The following KCNC1 variants were observed in gnomAD, a reference collection of about 807,000 sequenced individuals.
KCNC1 encodes the protein potassium voltage-gated channel subfamily C member 1.
KCNC1 carries 8 observed loss-of-function variants against 43.4 expected under a neutral mutation model. The observed-to-expected ratio is 0.18, with a 90% CI of 0.11 to 0.33. The LOEUF (loss-of-function observed/expected upper bound fraction) is 0.33, where lower values mean the gene tolerates loss of function less well. Ranked by LOEUF, KCNC1 falls within the 10% of genes least tolerant of loss-of-function variation. The probability of loss-of-function intolerance (pLI) is 1.00; values close to 1 mark genes in which losing one functional copy is unlikely to be tolerated. For synonymous variants in KCNC1, 361 were observed against 360.5 expected (o/e 1.00, Z -0.01); for missense variants, 420 against 836.0 (o/e 0.50, Z 6.14).
rs887972443 is a variant in KCNC1, at chr11:17,781,972, G to T, written c.*238G>T. The T allele has an allele frequency of 4.4e-6, 2 of 451,682 alleles. No homozygotes were observed. Among genetic ancestry groups the T allele is most frequent in the African/African-American group, 2.0e-5 (1 of 49,930 alleles). 28.0% of individuals were successfully genotyped at this position (451,682 alleles called of 1,614,324 possible). ...AATTTTATTTTATTTGGGGAGGGGG[G>T]GTGGAGGGGCTCCTTAGCATGACTT... On this transcript the variant is annotated 3_prime_UTR_variant, in exon 4 of 4. Transcript: ENST00000265969. This position sits in a 1 kb window ranked among gnomAD's most constrained non-coding sequence, Gnocchi z 5.1.
At chr11:17,774,051 G>A in intron 2 of KCNC1, 1 of 985,482 alleles carries the variant, frequency 1.0e-6, no homozygotes, top group Non-Finnish European at 1.2e-6. Flanking sequence ...CCACAGCTAT[G>A]CTGGCCCGAG....
At chr11:17,745,735 G>A (rs952954005) in intron 1 of KCNC1, among the ~76,000 whole-genome samples, 4 of 151,940 alleles carry the variant, frequency 2.6e-5, no homozygotes, top group African/African-American at 4.8e-5. Flanking sequence ...CAAGACCTGC[G>A]CTGCGCTGGT....
At chr11:17,770,872 T>C (rs1350650394) in intron 1 of KCNC1, among the ~76,000 whole-genome samples, 1 of 152,104 alleles carries the variant, frequency 6.6e-6, no homozygotes, top group East Asian at 1.9e-4. Flanking sequence ...TATGGTGCCT[T>C]TGGGGATCCC....
Position 17,736,635 on chromosome 11 carries a change from G to A in KCNC1, c.570+63G>A. On this transcript the variant is annotated intron_variant, in intron 1 of 3. Coordinates refer to ENST00000265969, the MANE Select transcript of KCNC1 (RefSeq NM_001112741.2). This position sits in a 1 kb window ranked among gnomAD's most constrained non-coding sequence, Gnocchi z 9.3. ...AAGGCAGCGTCCTGTGCCTCCCCGCGGGCAGGGGTGGACCGGAGAACTGGC... is the reference window on the plus strand; with the variant it reads ...AAGGCAGCGTCCTGTGCCTCCCCGCAGGCAGGGGTGGACCGGAGAACTGGC... 1 of 1,445,354 alleles carries A rather than the reference G, an allele frequency of 6.9e-7. No homozygotes were observed. The highest frequency in any genetic ancestry group is 9.0e-7 in the Non-Finnish European group (1 of 1,106,160). 89.5% of individuals were successfully genotyped at this position (1,445,354 alleles called of 1,614,324 possible). A position where few individuals can be genotyped will look rare whatever the true frequency, so the allele number is the denominator to read the frequency against.
chr11:17,765,082 G>T (rs1398279993), intron 1 of KCNC1, among the ~76,000 whole-genome samples: 1 of 152,170 alleles, frequency 6.6e-6, no homozygotes, highest in African/African-American at 2.4e-5. Flanking sequence ...CCGCAGCCCT[G>T]CCCTGCCTCA....
rs766875307 is a variant in KCNC1 at position 17,772,099 on chromosome 11, C to T, written c.1005C>T (p.Gly335=). 11 of 1,613,618 alleles carry T rather than the reference C, an allele frequency of 6.8e-6. No homozygotes were observed. Among genetic ancestry groups the T allele is most frequent in the Non-Finnish European group, 9.3e-6 (11 of 1,179,940 alleles). Residue 335 remains glycine, a synonymous_variant, in exon 2 of 4, where the codon GGC becomes GGT. Coordinates refer to ENST00000265969, the MANE Select transcript of KCNC1 (RefSeq NM_001112741.2). ...TRHFVGLRVL[G]HTLRASTNEF... is the part of the protein sequence containing the mutation. The stretch of plus-strand genomic sequence containing the variant: ...ACTTTGTGGGCCTGCGGGTCCTGGG[C>T]CACACGCTCCGAGCCAGCACCAACG...
chr11:17,749,458 C>T (rs1161061969), intron 1 of KCNC1, among the ~76,000 whole-genome samples: 1 of 152,240 alleles, frequency 6.6e-6, no homozygotes, highest in Non-Finnish European at 1.5e-5. Flanking sequence ...TCCCTGGGGA[C>T]CTTCTCTGCC....
At chr11:17,740,162 C>T (rs1848821792) in intron 1 of KCNC1, among the ~76,000 whole-genome samples, 1 of 152,162 alleles carries the variant, frequency 6.6e-6, no homozygotes, top group Admixed American at 6.5e-5. Context: ...TCCTGAGGGG[C>T]AAGAGTGCCG....
chr11:17,750,807 A>G (rs1223469706), intron 1 of KCNC1, among the ~76,000 whole-genome samples: 2 of 152,020 alleles, frequency 1.3e-5, no homozygotes, highest in African/African-American at 4.8e-5. Flanking sequence ...CTCTTCCTTT[A>G]GGGAGCCTTT....
intron 1 of KCNC1, among the ~76,000 whole-genome samples, chr11:17,741,919 G>A (rs558331760): frequency 1.3e-5 from 2 of 152,172 alleles, no homozygotes; most frequent in African/African-American, 2.4e-5. Context: ...ATGCCTTCCC[G>A]GGCCCCTAGG....
chr11:17,775,295 C>G (rs1849272567), intron 2 of KCNC1: 1 of 985,126 alleles, frequency 1.0e-6, no homozygotes, highest in Non-Finnish European at 1.2e-6. Flanking sequence ...TCCCGCCCCC[C>G]CAGGCCAGCC....
chr11:17,774,830 C>T, intron 2 of KCNC1: 3 of 985,518 alleles, frequency 3.0e-6, no homozygotes, highest in South Asian at 9.4e-5. Context: ...CCCAAGCACT[C>T]ACTTCCCGGT....
rs1365071652 is a variant in KCNC1 at position 17,735,903 on chromosome 11, G to A, written c.-100G>A. The A allele has an allele frequency of 1.5e-6, 2 of 1,305,562 alleles. No individual in the cohort carries two copies. The highest frequency in any genetic ancestry group is 2.0e-6 in the Non-Finnish European group (2 of 1,008,492). 80.9% of individuals were successfully genotyped at this position (1,305,562 alleles called of 1,614,324 possible). ...TGTTCCCCCCGACGGCTGGGGGGAG[G>A]GGGGAAGAGGGCGCGCGCCCCCCTC... On this transcript the variant is annotated 5_prime_UTR_variant, in exon 1 of 4. Transcript: ENST00000265969. The surrounding 1 kb of genome is among the most constrained non-coding windows in gnomAD (Gnocchi z 6.7).
At chr11:17,738,771 C>T (rs879812360) in intron 1 of KCNC1, among the ~76,000 whole-genome samples, 4 of 152,196 alleles carry the variant, frequency 2.6e-5, no homozygotes, top group East Asian at 3.9e-4. Flanking sequence ...CACTGAAGAG[C>T]GGACTCTGAG....
In KCNC1 at chr11:17,739,369, G is replaced by A. The variant is rs1361385702; in HGVS notation, c.570+2797G>A. 9.6e-5 allele frequency among the ~76,000 whole-genome samples: 1 copy of A among 10,450 alleles called. No homozygotes were observed. Among genetic ancestry groups the A allele is most frequent in the African/African-American group, 1.3e-4 (1 of 7,890 alleles). 6.9% of individuals were successfully genotyped at this position (10,450 alleles called of 152,430 possible). ...TAAATGTGAGACTCCAGGCGTGTGT[G>A]TGTGTGTGTGTGTGTGTGTGTGTGT... On this transcript the variant is annotated intron_variant, in intron 1 of 3. Transcript: ENST00000265969. The surrounding 1 kb of genome is among the most constrained non-coding windows in gnomAD (Gnocchi z 4.2).
intron 1 of KCNC1, among the ~76,000 whole-genome samples, chr11:17,747,192 G>A (rs1047690637): frequency 6.6e-6 from 1 of 152,138 alleles, no homozygotes; most frequent in Admixed American, 6.5e-5. Flanking sequence ...CACCCTGGGA[G>A]GCAGGCATGG....
chr11:17,735,884 C>G lies in KCNC1; in HGVS notation c.-119C>G. ...GGCCAGAGCCGCAGGCCTCTGTTCC[C>G]CCCGACGGCTGGGGGGAGGGGGGAA... On this transcript the variant is annotated 5_prime_UTR_variant, in exon 1 of 4. Transcript: ENST00000265969. This position sits in a 1 kb window ranked among gnomAD's most constrained non-coding sequence, Gnocchi z 6.7. The G allele has an allele frequency of 1.7e-6, 2 of 1,204,034 alleles. No homozygotes were observed. Among genetic ancestry groups the G allele is most frequent in the Non-Finnish European group, 2.2e-6 (2 of 916,192 alleles). The allele number at this position is 1,204,034 out of a possible 1,614,324, so 74.6% of individuals were successfully genotyped here.
chr11:17,763,524 C>T (rs912880453), intron 1 of KCNC1, among the ~76,000 whole-genome samples: 2 of 150,224 alleles, frequency 1.3e-5, no homozygotes, highest in Non-Finnish European at 3.0e-5. Context: ...ACGCAATGCA[C>T]ACACCCACAC....
rs1848857995 is a variant in KCNC1, at chr11:17,742,909, T to G, written c.570+6337T>G. 1.3e-5 allele frequency among the ~76,000 whole-genome samples: 2 copies of G among 152,132 alleles called. No individual in the cohort carries two copies. The highest frequency in any genetic ancestry group is 4.8e-5 in the African/African-American group (2 of 41,422). The stretch of plus-strand genomic sequence containing the variant: ...TTCTTCTCTTATCTACTCCCATTAA[T>G]TTCCTTCCTGGGGGAAGTGGAATAC... On this transcript the variant is annotated intron_variant, in intron 1 of 3. Coordinates refer to ENST00000265969, the MANE Select transcript of KCNC1 (RefSeq NM_001112741.2). The surrounding 1 kb of genome is among the most constrained non-coding windows in gnomAD (Gnocchi z 4.2).
Sources: gnomAD v4.1 joint callset for allele counts (sites outside exome capture counted in the v4.1 genomes callset) on GRCh38, gnomAD v4.1.1 for gene constraint, Gnocchi (gnomAD v3.1) non-coding constraint, MANE v1.5 for transcripts, NCBI Gene and HGNC (gene_info 2026-07-23, HGNC 2026-07-21) for gene names.